The following ZNF671 variants were observed in gnomAD, a reference collection of about 807,000 sequenced individuals.
ZNF671 encodes the protein hypothetical protein FLJ23506.
ZNF671 carries 19 observed loss-of-function variants against 16.6 expected under a neutral mutation model. The observed-to-expected ratio is 1.14, with a 90% confidence interval of 0.80 to 1.68. ZNF671 has a LOEUF of 1.68. Among genes scored for constraint, ZNF671 ranks in the 40% most tolerant of loss-of-function variants. The probability of loss-of-function intolerance (pLI) is 0.00; values close to 1 mark genes in which losing one functional copy is unlikely to be tolerated. For missense variants in ZNF671, 637 were observed against 659.8 expected, an observed-to-expected ratio of 0.97 and a Z score of 0.38; for synonymous variants, 238 against 236.3, an observed-to-expected ratio of 1.01 and a Z score of -0.06.
chr19:57,722,417 C>T lies in ZNF671; in HGVS notation c.287G>A (p.Arg96His), dbSNP rs1239134463. 5.0e-6 allele frequency: 8 copies of T among 1,613,838 alleles called. No individual in the cohort carries two copies. The highest frequency in any genetic ancestry group is 1.6e-4 in the Middle Eastern group (1 of 6,084). Residue 96 changes from arginine (R) to histidine (H), a missense_variant, in exon 3 of 4, where the codon CGT becomes CAT. Physicochemically the swap from Arg to His is conservative, Grantham distance 29 (BLOSUM62 0). Transcript: ENST00000317398. ...ASLGIAFSRS[R>H]AVMKLERGEE... ...TCCTCGCTCTAGTTTCATGACTGCA[C>T]GTGATCTGGAAAATGCAATTCCTAA... is the stretch of plus-strand genomic sequence containing the variant.
At chr19:57,724,443 G>C (rs1232090567) in intron 1 of ZNF671, among the ~76,000 whole-genome samples, 1 of 152,084 alleles carries the variant, frequency 6.6e-6, no homozygotes, top group Non-Finnish European at 1.5e-5. Context: ...CAATATTGCT[G>C]TGTGTCAGGG....
intron 1 of ZNF671, 138 bp from the exon 2 acceptor site, chr19:57,723,478 A>C (rs971191236): frequency 3.1e-6 from 3 of 955,568 alleles, no homozygotes; most frequent in Non-Finnish European, 4.6e-6. Flanking sequence ...ACTGATCCTC[A>C]CTCTCTCCTG....
Position 57,721,741 on chromosome 19 carries a change from G to A in ZNF671, c.389-44C>T, listed in dbSNP as rs2122457209. ...CTGATTAAATGCATATTTACGGGTG[G>A]GAAGGGGCAACCTCATTGTATATGT... is the stretch of plus-strand genomic sequence containing the variant. On this transcript the variant is annotated intron_variant, in intron 3 of 3. Coordinates refer to ENST00000317398, the MANE Select transcript of ZNF671 (RefSeq NM_024833.3). 7 of 1,581,198 alleles carry A rather than the reference G, an allele frequency of 4.4e-6. No individual in the cohort carries two copies. In the East Asian group the frequency reaches 1.1e-4, roughly 25 times the overall value.
intron 3 of ZNF671, 109 bp downstream of exon 3, chr19:57,722,207 G>T: frequency 6.6e-7 from 1 of 1,507,604 alleles, no homozygotes. Flanking sequence ...AGGACAGATA[G>T]AAACGCTGTG....
At chr19:57,722,462 A>G in intron 2 of ZNF671, 24 bp from the exon 3 acceptor site, 1 of 1,611,566 alleles carries the variant, frequency 6.2e-7, no homozygotes, top group South Asian at 1.1e-5. Flanking sequence ...AGAACAGGTG[A>G]GCAGCCAGCA....
At chr19:57,726,858 G>A (rs1017733617) in intron 1 of ZNF671, 2 of 152,772 alleles carry the variant, frequency 1.3e-5, no homozygotes, top group African/African-American at 4.8e-5. Context: ...AAATCCTGTT[G>A]GTTTCAAATT....
At chr19:57,723,853 ACCCCGTCTCT>A (rs1985958175) in intron 1 of ZNF671, among the ~76,000 whole-genome samples, 1 of 143,152 alleles carries the variant, frequency 7.0e-6, no homozygotes, top group Non-Finnish European at 1.5e-5. Flanking sequence ...ACATGGTGAA[ACCCCGTCTCT>A]ACTAAAAAAA....
At chr19:57,727,358 G>C (rs766700158) in intron 1 of ZNF671, 33 bp downstream of exon 1, 16 of 1,575,580 alleles carry the variant, frequency 1.0e-5, no homozygotes, top group Non-Finnish European at 1.4e-5. Flanking sequence ...TCGGAGAAAG[G>C]GTGACTGAGG....
At chr19:57,722,280 G>C in intron 3 of ZNF671, 36 bp downstream of exon 3, 1 of 1,611,364 alleles carries the variant, frequency 6.2e-7, no homozygotes, top group South Asian at 1.1e-5. Context: ...TTTGAACCCA[G>C]CTTTGACATC....
rs1390819379 is a variant in ZNF671 at position 57,721,498 on chromosome 19, T to C, written c.588A>G (p.Ala196=). ...KARQKPYLCG[A]CGKQFWFSTD... ...TACTGAACCAGAATTGCTTTCCACA[T>C]GCCCCACACAAGTATGGTTTCTGCC... is the stretch of plus-strand genomic sequence containing the variant. Residue 196 remains alanine, a synonymous_variant, in exon 4 of 4, where the codon GCA becomes GCG. Transcript: ENST00000317398. 1.2e-6 allele frequency: 2 copies of C among 1,614,238 alleles called. No individual in the cohort carries two copies. The highest frequency in any genetic ancestry group is 2.2e-5 in the East Asian group (1 of 44,880).
chr19:57,721,252 A>C lies in ZNF671; in HGVS notation c.834T>G (p.Phe278Leu), dbSNP rs1273006947. 1 of 1,593,520 alleles carries C rather than the reference A, an allele frequency of 6.3e-7. No homozygotes were observed. The part of the protein sequence containing the change: ...PHKSTKLVSG[F>L]LMGQRYHRCG... ...ACCTGTGATACCTCTGTCCCATGAG[A>C]AAGCCACTCACAAGCTTAGTGCTCT... The change falls in exon 4 of 4, where the codon TTT becomes TTG. Residue 278 changes from phenylalanine (F) to leucine (L), a missense_variant. Physicochemically the swap from Phe to Leu is conservative, Grantham distance 22. Coordinates refer to ENST00000317398, the MANE Select transcript of ZNF671 (RefSeq NM_024833.3).
chr19:57,720,591 T>G lies in ZNF671; in HGVS notation c.1495A>C (p.Lys499Gln), dbSNP rs1003171436. The G allele has an allele frequency of 6.8e-6, 11 of 1,614,042 alleles. No individual in the cohort carries two copies. Among genetic ancestry groups the G allele is most frequent in the East Asian group, 2.2e-5 (1 of 44,892 alleles). ...TAAGGCCTTTCCCCAGTGTGGACTT[T>G]CCAGTGCCTGATGAGGTTGGGTCTT... ...TQRPNLIRHW[K>Q]VHTGERPYVC... is the part of the protein sequence containing the mutation. Residue 499 changes from lysine to glutamine, a missense_variant, in exon 4 of 4, where the codon AAA (lysine) becomes CAA (glutamine). Transcript: ENST00000317398.
intron 1 of ZNF671, among the ~76,000 whole-genome samples, chr19:57,724,186 C>T (rs1365435879): frequency 6.6e-6 from 1 of 152,150 alleles, no homozygotes; most frequent in Admixed American, 6.5e-5. Context: ...TCACAGGCAC[C>T]TCAAACCACA....
At chr19:57,727,318 CAG>C (rs761251096) in intron 1 of ZNF671, 71 bp downstream of exon 1, 7 of 1,513,206 alleles carry the variant, frequency 4.6e-6, no homozygotes, top group South Asian at 3.8e-5. Flanking sequence ...TCCTGGGACA[CAG>C]GGGCTGCAGG....
Position 57,725,154 on chromosome 19 carries a change from C to CT in ZNF671, c.139-1815dup, listed in dbSNP as rs968514343. Among the ~76,000 whole-genome samples, 807 of 144,072 alleles carry CT rather than the reference C, an allele frequency of 5.6e-3. 3 individuals are homozygous for CT. Among genetic ancestry groups the CT allele is most frequent in the African/African-American group, 6.4e-3 (252 of 39,476 alleles). The allele number at this position is 144,072 out of a possible 152,430, so 94.5% of individuals were successfully genotyped here. A position where few individuals can be genotyped will look rare whatever the true frequency, so the allele number is the denominator to read the frequency against. On this transcript the variant is annotated intron_variant, in intron 1 of 3. Transcript: ENST00000317398. ...AGGCAAGACTGGGAGAAGTAGTGAA[C>CT]TTTTTTTTTTTTTTGAAATGGGGTC...
intron 1 of ZNF671, among the ~76,000 whole-genome samples, chr19:57,726,443 T>G (rs1986052213): frequency 6.6e-6 from 1 of 151,730 alleles, no homozygotes; most frequent in Admixed American, 6.6e-5. Flanking sequence ...ACCCTACAGC[T>G]CTCTCCTCCT....
rs1313136251 is a variant in ZNF671, at chr19:57,721,258, A to C, written c.828T>G (p.Ser276Arg). Residue 276 changes from serine to arginine, a missense_variant, in exon 4 of 4, where the codon AGT becomes AGG. Coordinates refer to ENST00000317398, the MANE Select transcript of ZNF671 (RefSeq NM_024833.3). ...GATACCTCTGTCCCATGAGAAAGCC[A>C]CTCACAAGCTTAGTGCTCTTGTGGG... ...MKPHKSTKLV[S>R]GFLMGQRYHR... 6.3e-7 allele frequency: 1 copy of C among 1,592,760 alleles called. No individual in the cohort carries two copies.
At chr19:57,722,051 T>G (rs1985894071) in intron 3 of ZNF671, 1 of 563,656 alleles carries the variant, frequency 1.8e-6, no homozygotes, top group African/African-American at 1.9e-5. Context: ...TATATGCACA[T>G]CTTGTGAACA....
chr19:57,722,265 C>T lies in ZNF671; in HGVS notation c.388+51G>A, dbSNP rs530060604. 1.9e-5 allele frequency: 31 copies of T among 1,607,316 alleles called. No individual in the cohort carries two copies. In the South Asian group the frequency reaches 3.4e-4, roughly 18 times the overall value. On this transcript the variant is annotated intron_variant, in intron 3 of 3. Coordinates refer to ENST00000317398, the MANE Select transcript of ZNF671 (RefSeq NM_024833.3). ...ACACTGATGTGAACAGTTAATGTTG[C>T]CAGTTTTGAACCCAGCTTTGACATC...
Sources: allele counts gnomAD v4.1 joint callset (sites outside exome capture counted in the v4.1 genomes callset), GRCh38; gene constraint gnomAD v4.1.1; transcripts MANE v1.5; gene names NCBI Gene and HGNC (gene_info 2026-07-23, HGNC 2026-07-21).